CDH18: variants seen among roughly 807,000 people sequenced by gnomAD.
CDH18 encodes cadherin 18, also known as cadherin-18.
In CDH18, 31 loss-of-function variants were observed where a neutral mutation model predicts 67.9. The ratio of observed to expected loss-of-function variants is 0.46; its 90% CI spans 0.34 to 0.62. The LOEUF (loss-of-function observed/expected upper bound fraction) is 0.62, where lower values mean the gene tolerates loss of function less well. CDH18 is among the 20% of genes least tolerant of loss of function. CDH18 has a pLI of 0.01. For synonymous variants in CDH18, 362 were observed against 347.2 expected, an observed-to-expected ratio of 1.04 and a Z score of -0.48; for missense variants, 890 against 975.5, an observed-to-expected ratio of 0.91 and a Z score of 1.17.
intron 5 of CDH18, among the ~76,000 whole-genome samples, chr5:19,661,826 C>T (rs1320807280): frequency 1.3e-5 from 2 of 152,026 alleles, no homozygotes; most frequent in African/African-American, 2.4e-5. Context: ...ATTTACCCTC[C>T]GCTGTCTATC....
intron 1 of CDH18, among the ~76,000 whole-genome samples, chr5:20,468,607 T>C (rs963789969): frequency 3.3e-5 from 5 of 152,200 alleles, no homozygotes; most frequent in Non-Finnish European, 7.3e-5. Flanking sequence ...ACTGTTAAAT[T>C]TTCTCCTTTG....
rs1398475842 is a variant in CDH18, at chr5:19,543,742, C to T, written c.1390+127G>A. 2.2e-5 allele frequency: 12 copies of T among 557,736 alleles called. No individual in the cohort carries two copies. In the East Asian group the frequency reaches 2.7e-4, roughly 13 times the overall value. The allele number at this position is 557,736 out of a possible 1,614,324, so 34.5% of individuals were successfully genotyped here. A position where few individuals can be genotyped will look rare whatever the true frequency, so the allele number is the denominator to read the frequency against. ...TGATAATGAGAAATTATATCTAATA[C>T]ACTCCGCTTACTCTCCTAGATCCTG... On this transcript the variant is annotated intron_variant, in intron 9 of 12. Coordinates refer to ENST00000382275, the MANE Select transcript of CDH18 (RefSeq NM_004934.5).
intron 8 of CDH18, among the ~76,000 whole-genome samples, chr5:19,568,786 G>A (rs973817466): frequency 6.9e-6 from 1 of 145,142 alleles, no homozygotes; most frequent in African/African-American, 2.8e-5. Context: ...AGAAATAAAT[G>A]TTTTTTGTTT....
At chr5:20,282,386 A>C (rs10078028) in intron 1 of CDH18, among the ~76,000 whole-genome samples, 17,688 of 151,954 alleles carry the variant, frequency 0.12, 1,541 homozygotes, top group African/African-American at 0.24. Context: ...GAGATACGTA[A>C]CATCAATACC....
chr5:19,743,844 C>G (rs1769571296), intron 4 of CDH18, among the ~76,000 whole-genome samples: 1 of 141,462 alleles, frequency 7.1e-6, no homozygotes, highest in East Asian at 2.2e-4. Flanking sequence ...TTGCTTGAAC[C>G]TGGGAGGCAG....
At chr5:20,432,569 G>A (rs1180793937) in intron 1 of CDH18, among the ~76,000 whole-genome samples, 1 of 152,076 alleles carries the variant, frequency 6.6e-6, no homozygotes, top group Non-Finnish European at 1.5e-5. Flanking sequence ...TAATTTGGAA[G>A]GACAAGGTAT....
chr5:20,114,332 C>A (rs1747717681), intron 2 of CDH18, among the ~76,000 whole-genome samples: 1 of 152,074 alleles, frequency 6.6e-6, no homozygotes, highest in Non-Finnish European at 1.5e-5. Context: ...TAATATCCCC[C>A]AAAAAGTGAA....
chr5:19,634,093 C>T (rs948667076), intron 5 of CDH18, among the ~76,000 whole-genome samples: 2 of 152,070 alleles, frequency 1.3e-5, no homozygotes, highest in African/African-American at 4.8e-5. Context: ...TCCCTTTTCC[C>T]CAAAATAAGC....
intron 2 of CDH18, among the ~76,000 whole-genome samples, chr5:20,168,530 A>G (rs1309257684): frequency 2.0e-5 from 3 of 152,128 alleles, no homozygotes; most frequent in Non-Finnish European, 4.4e-5. Context: ...ATATCACTGG[A>G]TGAATTCAAG....
chr5:20,538,898 G>GTTTTGT (rs1756878165), intron 1 of CDH18, among the ~76,000 whole-genome samples: 1 of 106,764 alleles, frequency 9.4e-6, no homozygotes, highest in African/African-American at 3.2e-5. Flanking sequence ...ATAGCCAACT[G>GTTTTGT]TTTTTTTTTT....
intron 5 of CDH18, among the ~76,000 whole-genome samples, chr5:19,649,687 C>T (rs1305936212): frequency 1.3e-5 from 2 of 151,920 alleles, no homozygotes; most frequent in Non-Finnish European, 2.9e-5. Context: ...CTAAAATTCT[C>T]ATCAAAAAGG....
At chr5:20,010,047 T>C (rs1323913895) in intron 2 of CDH18, among the ~76,000 whole-genome samples, 1 of 152,044 alleles carries the variant, frequency 6.6e-6, no homozygotes, top group African/African-American at 2.4e-5. Flanking sequence ...TGCGGGATGC[T>C]TTCTTTCCTC....
chr5:20,123,174 A>T (rs1294918918), intron 2 of CDH18, among the ~76,000 whole-genome samples: 1 of 152,036 alleles, frequency 6.6e-6, no homozygotes, highest in Non-Finnish European at 1.5e-5. Flanking sequence ...GTCATAAACT[A>T]GGGAAATATA....
At chr5:20,110,221 A>C (rs1033368807) in intron 2 of CDH18, among the ~76,000 whole-genome samples, 1 of 152,218 alleles carries the variant, frequency 6.6e-6, no homozygotes, top group East Asian at 1.9e-4. Context: ...TACAAAAATT[A>C]GTGCTTGTAT....
At chr5:19,487,811 T>C (rs1740650671) in intron 11 of CDH18, among the ~76,000 whole-genome samples, 1 of 152,254 alleles carries the variant, frequency 6.6e-6, no homozygotes, top group African/African-American at 2.4e-5. Flanking sequence ...AATAATACCC[T>C]GTGATAACTG....
At chr5:20,479,923 T>C (rs1752679547) in intron 1 of CDH18, among the ~76,000 whole-genome samples, 1 of 152,166 alleles carries the variant, frequency 6.6e-6, no homozygotes, top group Admixed American at 6.6e-5. Flanking sequence ...GAAGATCTCA[T>C]GTGTCTGGCA....
At chr5:19,803,038 A>G (rs886479574) in intron 3 of CDH18, among the ~76,000 whole-genome samples, 2 of 152,184 alleles carry the variant, frequency 1.3e-5, no homozygotes, top group Non-Finnish European at 2.9e-5. Flanking sequence ...AATCCATCCA[A>G]AAAGTCACTT....
Position 19,521,149 on chromosome 5 carries a change from C to T in CDH18, c.1391-371G>A, listed in dbSNP as rs547144820. Among the ~76,000 whole-genome samples the T allele has an allele frequency of 2.0e-5, 3 of 152,150 alleles. No homozygotes were observed. The South Asian group carries it at 6.2e-4, about 32-fold the overall frequency. On this transcript the variant is annotated intron_variant, in intron 9 of 12. Coordinates refer to ENST00000382275, the MANE Select transcript of CDH18 (RefSeq NM_004934.5). Reference sequence around the variant, plus strand: ...ACAGCAGTTGGTAAAAAATAATTACCTAATCTTTAAAAAAGTTTAATGTTC... The same window carrying T: ...ACAGCAGTTGGTAAAAAATAATTACTTAATCTTTAAAAAAGTTTAATGTTC...
intron 2 of CDH18, among the ~76,000 whole-genome samples, chr5:20,105,982 T>C (rs539901048): frequency 1.3e-5 from 2 of 152,322 alleles, no homozygotes; most frequent in South Asian, 2.1e-4. Flanking sequence ...TAGGTAGCTG[T>C]ATTTTTGTTC....
Sources: allele counts gnomAD v4.1 joint callset (sites outside exome capture counted in the v4.1 genomes callset), GRCh38; gene constraint gnomAD v4.1.1; transcripts MANE v1.5; gene names NCBI Gene and HGNC (gene_info 2026-07-23, HGNC 2026-07-21).